LAMA1: variants seen among roughly 807,000 people sequenced by gnomAD.
LAMA1 encodes laminin subunit alpha 1.
In LAMA1, 219 loss-of-function variants were observed where a neutral mutation model predicts 348.7. That is an observed-to-expected ratio of 0.63 (90% CI 0.56 to 0.70). The LOEUF is 0.70. Among genes scored for constraint, LAMA1 ranks in the 30% least tolerant of loss-of-function variants. The pLI, the probability that LAMA1 is intolerant of heterozygous loss-of-function variation, is 0.00. For synonymous variants in LAMA1, 1,487 were observed against 1,491.0 expected, an observed-to-expected ratio of 1.00 and a Z score of 0.06; for missense variants, 3,744 against 3,888.0, an observed-to-expected ratio of 0.96 and a Z score of 0.99.
At chr18:6,959,533 T>C (rs769079499) in intron 53 of LAMA1, 41 bp from the exon 54 acceptor site, 8 of 1,608,240 alleles carry the variant, frequency 5.0e-6, no homozygotes, top group South Asian at 1.1e-5. Flanking sequence ...CAAAACACAT[T>C]ACTATATGAT....
intron 53 of LAMA1, chr18:6,960,315 T>A (rs2057600931): frequency 6.6e-6 from 1 of 152,488 alleles, no homozygotes; most frequent in African/African-American, 2.4e-5. Flanking sequence ...GTGGTATGTA[T>A]ATACAGTGGA....
intron 3 of LAMA1, among the ~76,000 whole-genome samples, chr18:7,070,809 C>A (rs905084709): frequency 6.6e-6 from 1 of 151,192 alleles, no homozygotes; most frequent in Non-Finnish European, 1.5e-5. Context: ...TTTTTACTCA[C>A]AAATCTGACC....
rs577574192 is a variant in LAMA1, at chr18:6,980,719, A to G, written c.5891-82T>C. ...GGCAACAGCTTTATCATTCTTGACC[A>G]TCGACAGAATTCATAGCTTTCTAAA... On this transcript the variant is annotated intron_variant, in intron 41 of 62. Transcript: ENST00000389658. 96 of 764,544 alleles carry G rather than the reference A, an allele frequency of 1.3e-4. No individual in the cohort carries two copies. In the African/African-American group the frequency reaches 1.5e-3, roughly 12 times the overall value. The allele number at this position is 764,544 out of a possible 1,614,324, so 47.4% of individuals were successfully genotyped here.
chr18:6,973,833 C>G (rs928566974), intron 46 of LAMA1, among the ~76,000 whole-genome samples: 1 of 152,182 alleles, frequency 6.6e-6, no homozygotes, highest in African/African-American at 2.4e-5. Flanking sequence ...CAGACTGGAA[C>G]GCAGTGGTGT....
chr18:6,955,544 G>T, intron 56 of LAMA1, 79 bp from the exon 57 acceptor site: 1 of 962,632 alleles, frequency 1.0e-6, no homozygotes. Context: ...CGCCATGAAG[G>T]GCCATCTACG....
chr18:7,055,900 T>C (rs903863250), intron 3 of LAMA1, among the ~76,000 whole-genome samples: 3 of 151,248 alleles, frequency 2.0e-5, no homozygotes, highest in Non-Finnish European at 4.4e-5. Flanking sequence ...GCTAACACAG[T>C]GAAACCCCGT....
chr18:6,980,029 AT>A (rs1279193345), intron 42 of LAMA1, among the ~76,000 whole-genome samples: 2 of 151,230 alleles, frequency 1.3e-5, no homozygotes, highest in African/African-American at 4.9e-5. Flanking sequence ...CCCCCAAAAA[AT>A]TTCATGAATA....
chr18:6,976,055 C>T lies in LAMA1; in HGVS notation c.6371G>A (p.Arg2124Lys). The change falls in exon 45 of 63, where the codon AGA (arginine) becomes AAA (lysine). Residue 2124 changes from arginine (R) to lysine (K), a missense_variant. Transcript: ENST00000389658. The part of the protein sequence containing the change: ...ASIKVAVSAD[R>K]DCIRAYQPQI... ...AGGCTGGTAGGCCCGGATGCAATCT[C>T]TGTCTGCAGACACGGCGACTTTAAT... 9.3e-6 allele frequency: 15 copies of T among 1,614,188 alleles called. No individual in the cohort carries two copies. The highest frequency in any genetic ancestry group is 1.3e-5 in the Non-Finnish European group (15 of 1,180,030).
chr18:7,023,519 CGG>C, intron 18 of LAMA1, 144 bp from the exon 19 acceptor site: 2 of 741,598 alleles, frequency 2.7e-6, no homozygotes, highest in Non-Finnish European at 4.7e-6. Flanking sequence ...ACTCCCCACT[CGG>C]GCATTCCCAG....
chr18:7,041,245 C>A (rs2058019246), intron 9 of LAMA1, among the ~76,000 whole-genome samples: 1 of 151,998 alleles, frequency 6.6e-6, no homozygotes. Flanking sequence ...AGGCAGTTAA[C>A]CTTCTTGACT....
At chr18:7,094,519 G>A (rs2058252881) in intron 1 of LAMA1, among the ~76,000 whole-genome samples, 1 of 151,374 alleles carries the variant, frequency 6.6e-6, no homozygotes, top group African/African-American at 2.4e-5. Context: ...AGCCAAACTT[G>A]GCACAAGATC....
At chr18:7,061,676 G>T (rs1036326644) in intron 3 of LAMA1, among the ~76,000 whole-genome samples, 2 of 152,156 alleles carry the variant, frequency 1.3e-5, no homozygotes, top group Non-Finnish European at 2.9e-5. Flanking sequence ...CTTCTGATGT[G>T]GAAGTAGGCT....
chr18:6,950,639 T>C (rs1026462812), intron 58 of LAMA1, 143 bp downstream of exon 58: 55 of 945,644 alleles, frequency 5.8e-5, no homozygotes, highest in Non-Finnish European at 9.0e-5. Flanking sequence ...CCTTCAAGAC[T>C]TGTAGTCTCT....
intron 41 of LAMA1, among the ~76,000 whole-genome samples, chr18:6,980,869 C>G (rs976279906): frequency 2.0e-5 from 3 of 152,082 alleles, no homozygotes; most frequent in Middle Eastern, 3.2e-3. Flanking sequence ...CCGAGGCAGG[C>G]AGATCACAAG....
chr18:7,089,572 A>T (rs1196566855), intron 1 of LAMA1, among the ~76,000 whole-genome samples: 1 of 152,266 alleles, frequency 6.6e-6, no homozygotes, highest in Admixed American at 6.5e-5. Context: ...CCAAGAGCTC[A>T]GGCGAAGGCC....
intron 42 of LAMA1, 40 bp from the exon 43 acceptor site, chr18:6,978,418 T>A: frequency 6.5e-7 from 1 of 1,533,830 alleles, no homozygotes; most frequent in Non-Finnish European, 9.0e-7. Context: ...TTCTGGTGCT[T>A]ACACACAGAG....
At chr18:7,000,406 C>T (rs772643629) in intron 30 of LAMA1, among the ~76,000 whole-genome samples, 14 of 152,146 alleles carry the variant, frequency 9.2e-5, no homozygotes, top group Non-Finnish European at 1.6e-4. Context: ...GCTGAACACA[C>T]GCTGACGAAA....
intron 12 of LAMA1, 101 bp downstream of exon 12, chr18:7,037,477 G>A (rs1291231964): frequency 7.7e-7 from 1 of 1,305,544 alleles, no homozygotes; most frequent in East Asian, 2.3e-5. Flanking sequence ...CAACACTCAG[G>A]TGCCCTATGA....
chr18:6,987,363 T>G (rs1568019775), intron 36 of LAMA1, among the ~76,000 whole-genome samples: 1 of 152,184 alleles, frequency 6.6e-6, no homozygotes. Context: ...AATTTATATA[T>G]ACGATAAAAG....
Sources: gnomAD v4.1 joint callset for allele counts (sites outside exome capture counted in the v4.1 genomes callset) on GRCh38, gnomAD v4.1.1 for gene constraint, MANE v1.5 for transcripts, NCBI Gene and HGNC (gene_info 2026-07-23, HGNC 2026-07-21) for gene names.